The following DSCAM variants were observed in gnomAD, a reference collection of about 807,000 sequenced individuals.
DSCAM encodes the protein cell adhesion molecule DSCAM.
A neutral mutation model predicts 217.7 loss-of-function variants in DSCAM; 47 were observed. The ratio of observed to expected loss-of-function variants is 0.22; its 90% CI spans 0.17 to 0.28. The LOEUF is 0.28. DSCAM is among the 10% of genes least tolerant of loss of function. The pLI is 1.00. For missense variants in DSCAM, 2,080 were observed against 2,618.3 expected (o/e 0.79, Z 4.49); for synonymous variants, 1,056 against 1,015.3 (o/e 1.04, Z -0.76).
rs1179124170 is a variant in DSCAM at position 40,576,514 on chromosome 21, CATAT to C, written c.508+116292_508+116295del. Among the ~76,000 whole-genome samples the C allele has an allele frequency of 3.3e-5, 5 of 152,186 alleles. No homozygotes were observed. The East Asian group carries it at 9.7e-4, about 29-fold the overall frequency. On this transcript the variant is annotated intron_variant, in intron 3 of 32. Transcript: ENST00000400454. ...ACTTGGGTGTCTTCCAATGACAAAA[CATAT>C]TAAGCTAAAAAATGATCAGTGCCTT...
chr21:40,467,367 C>A (rs545548187), intron 3 of DSCAM, among the ~76,000 whole-genome samples: 1 of 152,182 alleles, frequency 6.6e-6, no homozygotes, highest in Non-Finnish European at 1.5e-5. Context: ...TAGTCTTGAT[C>A]TCTGTAAACA....
intron 32 of DSCAM, among the ~76,000 whole-genome samples, chr21:40,035,234 G>T (rs1249768818): frequency 1.1e-4 from 13 of 115,668 alleles, no homozygotes; most frequent in Admixed American, 2.7e-4. Context: ...TGGATAAAGA[G>T]TCAAGACCCA....
At chr21:40,028,080 C>A (rs2088425823) in intron 32 of DSCAM, among the ~76,000 whole-genome samples, 1 of 60,692 alleles carries the variant, frequency 1.6e-5, no homozygotes, top group East Asian at 5.2e-4. Context: ...TTCCTTCTAA[C>A]AGACAGGACC....
intron 3 of DSCAM, among the ~76,000 whole-genome samples, chr21:40,531,194 A>C (rs966765346): frequency 1.3e-5 from 2 of 152,164 alleles, no homozygotes; most frequent in African/African-American, 2.4e-5. Flanking sequence ...GGTGGTTTAC[A>C]GTTCCTGCTG....
Position 40,011,178 on chromosome 21 carries a change from C to A in DSCAM, c.*1856G>T, listed in dbSNP as rs2088051519. The A allele has an allele frequency of 6.6e-6, 1 of 152,082 alleles. No individual in the cohort carries two copies. The highest frequency in any genetic ancestry group is 2.1e-4 in the South Asian group (1 of 4,812). 9.4% of individuals were successfully genotyped at this position (152,082 alleles called of 1,614,324 possible). A position where few individuals can be genotyped will look rare whatever the true frequency, so the allele number is the denominator to read the frequency against. On this transcript the variant is annotated 3_prime_UTR_variant, in exon 33 of 33. Coordinates refer to ENST00000400454, the MANE Select transcript of DSCAM (RefSeq NM_001389.5). Reference sequence around the variant, plus strand: ...ACAGTCTGAGAGTATGCAAACAGTACACGTCAACACGGATTACATTCTGAA... The same window carrying A: ...ACAGTCTGAGAGTATGCAAACAGTAAACGTCAACACGGATTACATTCTGAA...
intron 3 of DSCAM, among the ~76,000 whole-genome samples, chr21:40,509,270 T>G (rs948257939): frequency 2.0e-5 from 3 of 152,084 alleles, no homozygotes; most frequent in African/African-American, 7.2e-5. Flanking sequence ...TAAAACAAAG[T>G]AGAATTCAAA....
rs1294400017 is a variant in DSCAM, at chr21:40,708,626, G to A, written c.189C>T (p.Gly63=). 3.1e-6 allele frequency: 5 copies of A among 1,612,866 alleles called. No homozygotes were observed. Among genetic ancestry groups the A allele is most frequent in the South Asian group, 1.1e-5 (1 of 90,640 alleles). The part of the protein sequence containing the change: ...PVTLRWYLAT[G]EEIYDVPGIR... ...TCCCGGGGACATCGTAGATCTCCTC[G>A]CCCGTGGCTAGGTACCATCTGAGAG... is the stretch of plus-strand genomic sequence containing the variant. The change falls in exon 2 of 33, where the codon GGC becomes GGT. Residue 63 remains glycine (G), a synonymous_variant. Coordinates refer to ENST00000400454, the MANE Select transcript of DSCAM (RefSeq NM_001389.5).
At chr21:40,261,422 A>G (rs918318480) in intron 11 of DSCAM, among the ~76,000 whole-genome samples, 52 of 152,086 alleles carry the variant, frequency 3.4e-4, no homozygotes, top group African/African-American at 1.3e-3. Context: ...TCCATTTAAG[A>G]CCTGAAAAGA....
rs146803970 is a variant in DSCAM, at chr21:40,641,251, C to T, written c.508+51559G>A. Among the ~76,000 whole-genome samples, 39 of 151,964 alleles carry T rather than the reference C, an allele frequency of 2.6e-4. No individual in the cohort carries two copies. In the East Asian group the frequency reaches 7.6e-3, roughly 30 times the overall value. The stretch of plus-strand genomic sequence containing the variant: ...AAGCTGCTCTAGAATGTTGGTGGCC[C>T]CATGGGTGTGGTCTGGGTGGTGGAC... On this transcript the variant is annotated intron_variant, in intron 3 of 32. Transcript: ENST00000400454.
At chr21:40,509,527 C>A (rs2076241654) in intron 3 of DSCAM, among the ~76,000 whole-genome samples, 1 of 152,172 alleles carries the variant, frequency 6.6e-6, no homozygotes, top group Non-Finnish European at 1.5e-5. Flanking sequence ...CCTGGTTTTC[C>A]AAAAGGCCTG....
intron 3 of DSCAM, among the ~76,000 whole-genome samples, chr21:40,521,971 A>AAT (rs1427689543): frequency 3.9e-5 from 6 of 152,354 alleles, no homozygotes; most frequent in African/African-American, 1.4e-4. Context: ...CCCCATAAAT[A>AAT]GGTACAATAA....
chr21:40,590,677 A>G (rs2076977726), intron 3 of DSCAM, among the ~76,000 whole-genome samples: 1 of 152,202 alleles, frequency 6.6e-6, no homozygotes, highest in African/African-American at 2.4e-5. Flanking sequence ...ATACTAAGAA[A>G]CTAACAAGAG....
intron 21 of DSCAM, among the ~76,000 whole-genome samples, chr21:40,091,506 T>G (rs867531301): frequency 6.6e-6 from 1 of 152,040 alleles, no homozygotes; most frequent in Non-Finnish European, 1.5e-5. Context: ...AGGGACCAAG[T>G]GTGTCCTCCA....
At chr21:40,478,457 T>C (rs963427829) in intron 3 of DSCAM, among the ~76,000 whole-genome samples, 5 of 152,216 alleles carry the variant, frequency 3.3e-5, no homozygotes, top group African/African-American at 4.8e-5. Context: ...TCCAAAGTGA[T>C]TGCATGACCT....
At chr21:40,546,335 A>G (rs1191225433) in intron 3 of DSCAM, among the ~76,000 whole-genome samples, 1 of 152,256 alleles carries the variant, frequency 6.6e-6, no homozygotes, top group Non-Finnish European at 1.5e-5. Flanking sequence ...CCGCCCAGTC[A>G]GTGACATCTC....
At chr21:40,563,814 ATATAGT>A (rs2076744692) in intron 3 of DSCAM, among the ~76,000 whole-genome samples, 1 of 146,618 alleles carries the variant, frequency 6.8e-6, no homozygotes, top group African/African-American at 2.6e-5. Flanking sequence ...ATATGTGTAT[ATATAGT>A]TATATGTTTA....
intron 20 of DSCAM, 110 bp from the exon 21 acceptor site, chr21:40,093,984 C>T (rs940473459): frequency 4.0e-5 from 45 of 1,130,994 alleles, no homozygotes; most frequent in Non-Finnish European, 5.4e-5. Flanking sequence ...AAAAACTCAA[C>T]TCACTCTCCT....
At chr21:40,632,101 G>T (rs1336356139) in intron 3 of DSCAM, among the ~76,000 whole-genome samples, 1 of 152,194 alleles carries the variant, frequency 6.6e-6, no homozygotes, top group East Asian at 1.9e-4. Context: ...AGTGCCCTGG[G>T]CATGGGGCCT....
intron 1 of DSCAM, among the ~76,000 whole-genome samples, chr21:40,744,784 C>T (rs1046721066): frequency 5.3e-5 from 8 of 151,904 alleles, no homozygotes; most frequent in African/African-American, 1.9e-4. Flanking sequence ...TATGATGCCA[C>T]CAAAAGAAAC....
Sources: allele counts gnomAD v4.1 joint callset (sites outside exome capture counted in the v4.1 genomes callset), GRCh38; gene constraint gnomAD v4.1.1; transcripts MANE v1.5; gene names NCBI Gene and HGNC (gene_info 2026-07-23, HGNC 2026-07-21).